MMS22L: variants seen among roughly 807,000 people sequenced by gnomAD.
MMS22L encodes protein MMS22-like.
A neutral mutation model predicts 159.1 loss-of-function variants in MMS22L; 74 were observed. The observed-to-expected ratio is 0.47, with a 90% CI of 0.39 to 0.56. The LOEUF (loss-of-function observed/expected upper bound fraction) is 0.56, where lower values mean the gene tolerates loss of function less well. Among genes scored for constraint, MMS22L ranks in the 20% least tolerant of loss-of-function variants. MMS22L has a pLI of 0.00. For missense variants in MMS22L, 1,351 were observed against 1,422.1 expected (o/e 0.95, Z 0.80); for synonymous variants, 517 against 506.9 (o/e 1.02, Z -0.27).
intron 16 of MMS22L, 147 bp downstream of exon 16, chr6:97,181,757 G>C (rs1267711837): frequency 1.4e-6 from 1 of 692,084 alleles, no homozygotes; most frequent in Non-Finnish European, 2.2e-6. Flanking sequence ...ACTGTCGAAA[G>C]GCTGATATAT....
At chr6:97,264,218 G>C (rs1814825467) in intron 8 of MMS22L, 2 of 151,976 alleles carry the variant, frequency 1.3e-5, no homozygotes, top group Admixed American at 6.6e-5. Context: ...TGCTTATTTT[G>C]CCCTGAGTCA....
In MMS22L at chr6:97,145,101, G is replaced by C. The variant is rs1318380328; in HGVS notation, c.*1705C>G. 1 of 139,916 alleles carries C rather than the reference G, an allele frequency of 7.1e-6. No individual in the cohort carries two copies. The highest frequency in any genetic ancestry group is 2.7e-5 in the African/African-American group (1 of 36,698). The allele number at this position is 139,916 out of a possible 1,614,324, so 8.7% of individuals were successfully genotyped here. The stretch of plus-strand genomic sequence containing the variant: ...ATACACATAAATAACCTCTTTAAAG[G>C]CATCACCTTAAATAGATAAAACTCC... On this transcript the variant is annotated 3_prime_UTR_variant, in exon 25 of 25. Coordinates refer to ENST00000683635, the MANE Select transcript of MMS22L (RefSeq NM_001350599.2).
intron 14 of MMS22L, among the ~76,000 whole-genome samples, chr6:97,205,675 A>C (rs1807706847): frequency 6.6e-6 from 1 of 152,194 alleles, no homozygotes; most frequent in Non-Finnish European, 1.5e-5. Flanking sequence ...AAAAAGCAAC[A>C]ATGAAAAGCA....
In MMS22L at chr6:97,182,055, C is replaced by T; in HGVS notation, c.2234-1G>A. ...ATGTCCATTGCTAGCAAAGTAAAGT[C>T]TAGATTCAAAATGAGAGAAACTTAA... On this transcript the variant is annotated splice_acceptor_variant, in intron 15 of 24. Transcript: ENST00000683635. LOFTEE classifies it high-confidence loss of function. 4 of 1,605,436 alleles carry T rather than the reference C, an allele frequency of 2.5e-6. No individual in the cohort carries two copies. The highest frequency in any genetic ancestry group is 3.4e-6 in the Non-Finnish European group (4 of 1,176,844).
At chr6:97,264,501 A>C (rs1046932126) in intron 8 of MMS22L, 1 of 152,144 alleles carries the variant, frequency 6.6e-6, no homozygotes, top group Non-Finnish European at 1.5e-5. Context: ...TTTCTAACCT[A>C]ATACAAAGTT....
chr6:97,235,992 C>A (rs1408054920), intron 11 of MMS22L, among the ~76,000 whole-genome samples: 1 of 151,850 alleles, frequency 6.6e-6, no homozygotes, highest in Non-Finnish European at 1.5e-5. Flanking sequence ...AGATGTTAAC[C>A]CGAATGGATT....
At chr6:97,179,643 C>T (rs12202912) in intron 16 of MMS22L, 84 bp from the exon 17 acceptor site, 566,481 of 1,234,806 alleles carry the variant, frequency 0.46, 131,710 homozygotes, top group South Asian at 0.53. Context: ...AACATTCTAA[C>T]ATCCCTGCAA....
Position 97,162,047 on chromosome 6 carries a change from G to A in MMS22L, c.3340C>T (p.Leu1114Phe). 2 of 1,612,124 alleles carry A rather than the reference G, an allele frequency of 1.2e-6. No homozygotes were observed. Among genetic ancestry groups the A allele is most frequent in the Non-Finnish European group, 1.7e-6 (2 of 1,179,016 alleles). Residue 1114 changes from leucine to phenylalanine, a missense_variant, in exon 22 of 25, where the codon CTC (leucine) becomes TTC (phenylalanine). Coordinates refer to ENST00000683635, the MANE Select transcript of MMS22L (RefSeq NM_001350599.2). ...NTDIYEVELLLPGILKCLVLV... is the reference protein window; with the variant it reads ...NTDIYEVELLFPGILKCLVLV... ...ACCAAGCATTTTAAAATGCCAGGGA[G>A]GAGTAGTTCAACTTCATAAATGTCT...
chr6:97,173,975 G>A (rs112862756), intron 18 of MMS22L, among the ~76,000 whole-genome samples: 16 of 104,256 alleles, frequency 1.5e-4, no homozygotes, highest in Admixed American at 6.8e-4. Flanking sequence ...GAAAGTGGCC[G>A]GTGCGGTGGC....
At chr6:97,170,293 G>A (rs1346339800) in intron 19 of MMS22L, among the ~76,000 whole-genome samples, 1 of 152,024 alleles carries the variant, frequency 6.6e-6, no homozygotes, top group African/African-American at 2.4e-5. Flanking sequence ...GTTCATATAA[G>A]GTGGAGATAT....
chr6:97,150,132 TTACTG>T (rs1444243423), intron 23 of MMS22L, 112 bp from the exon 24 acceptor site: 1 of 747,986 alleles, frequency 1.3e-6, no homozygotes, highest in African/African-American at 1.8e-5. Context: ...TCATAAAAGT[TTACTG>T]TAAGAATCTG....
chr6:97,170,330 C>G (rs1237884401), intron 19 of MMS22L, among the ~76,000 whole-genome samples: 1 of 151,964 alleles, frequency 6.6e-6, no homozygotes, highest in East Asian at 1.9e-4. Flanking sequence ...TATCAGACAC[C>G]TACTTTTTAG....
At chr6:97,266,413 CA>C (rs1473255192) in intron 8 of MMS22L, 1 of 152,186 alleles carries the variant, frequency 6.6e-6, no homozygotes, top group Non-Finnish European at 1.5e-5. Flanking sequence ...TGGAATCAAC[CA>C]AATTGTCCAT....
rs761741356 is a variant in MMS22L at position 97,142,646 on chromosome 6, A to G, written c.*4160T>C. The G allele has an allele frequency of 2.0e-5, 3 of 152,128 alleles. No individual in the cohort carries two copies. Among genetic ancestry groups the G allele is most frequent in the Non-Finnish European group, 2.9e-5 (2 of 67,960 alleles). The allele number at this position is 152,128 out of a possible 1,614,324, so 9.4% of individuals were successfully genotyped here. On this transcript the variant is annotated 3_prime_UTR_variant, in exon 25 of 25. Coordinates refer to ENST00000683635, the MANE Select transcript of MMS22L (RefSeq NM_001350599.2). ...TTCTGTATCTATTTACCTTTTAGAC[A>G]TGGGGAGACATGAGTGCTATGATAA...
intron 14 of MMS22L, among the ~76,000 whole-genome samples, chr6:97,204,937 CTTTTTTTTTTT>C (rs1222516541): frequency 3.8e-5 from 2 of 52,360 alleles, no homozygotes; most frequent in African/African-American, 7.8e-5. Context: ...TGTACAGTGT[CTTTTTTTTTTT>C]TTTTTTTTTT....
chr6:97,275,938 A>C (rs1390050459), intron 4 of MMS22L, among the ~76,000 whole-genome samples: 2 of 152,146 alleles, frequency 1.3e-5, no homozygotes, highest in Non-Finnish European at 2.9e-5. Context: ...CAGGAGGTCA[A>C]GGCTGAAGTG....
At chr6:97,207,615 C>T (rs956313745) in intron 14 of MMS22L, among the ~76,000 whole-genome samples, 3 of 152,276 alleles carry the variant, frequency 2.0e-5, no homozygotes, top group Non-Finnish European at 2.9e-5. Context: ...GTCTTCCAGT[C>T]ACAGGAAGAT....
chr6:97,149,701 T>G lies in MMS22L; in HGVS notation c.3650+152A>C, dbSNP rs1801128649. 6 of 710,928 alleles carry G rather than the reference T, an allele frequency of 8.4e-6. No individual in the cohort carries two copies. The East Asian group carries it at 1.8e-4, about 21-fold the overall frequency. The allele number at this position is 710,928 out of a possible 1,614,324, so 44.0% of individuals were successfully genotyped here. A position where few individuals can be genotyped will look rare whatever the true frequency, so the allele number is the denominator to read the frequency against. On this transcript the variant is annotated intron_variant, in intron 24 of 24. Coordinates refer to ENST00000683635, the MANE Select transcript of MMS22L (RefSeq NM_001350599.2). ...AGCCATGCTACTTCTATTCACACTT[T>G]GTAAAACTGATAATCACAGTACTGA... is the stretch of plus-strand genomic sequence containing the variant.
At chr6:97,283,524 C>G (rs564081495), upstream of MMS22L, 1 of 152,280 alleles carries the variant, frequency 6.6e-6, no homozygotes, top group Non-Finnish European at 1.5e-5. Context: ...CACCCACAGT[C>G]GCGCCGTCCC....
Sources: allele counts gnomAD v4.1 joint callset (sites outside exome capture counted in the v4.1 genomes callset), GRCh38; gene constraint gnomAD v4.1.1; transcripts MANE v1.5; gene names NCBI Gene and HGNC (gene_info 2026-07-23, HGNC 2026-07-21).